LIN9: variants seen among roughly 807,000 people sequenced by gnomAD.
LIN9 encodes the protein protein lin-9 homolog.
LIN9 carries 18 observed loss-of-function variants against 78.0 expected under a neutral mutation model. The ratio of observed to expected loss-of-function variants is 0.23; its 90% CI spans 0.16 to 0.34. LIN9 has a LOEUF of 0.34. LIN9 is among the 10% of genes least tolerant of loss of function. The pLI is 1.00. For synonymous variants in LIN9, 192 were observed against 215.2 expected, an observed-to-expected ratio of 0.89 and a Z score of 0.94; for missense variants, 451 against 644.1, an observed-to-expected ratio of 0.70 and a Z score of 3.25.
chr1:226,247,833 C>G (rs1234914294), intron 11 of LIN9, among the ~76,000 whole-genome samples: 2 of 151,996 alleles, frequency 1.3e-5, no homozygotes, highest in Non-Finnish European at 1.5e-5. Context: ...CTATCACACC[C>G]AGCTAATTTT....
Position 226,231,174 on chromosome 1 carries a change from TTTA to T in LIN9, c.*1324_*1326del, listed in dbSNP as rs751988076. 1 of 152,556 alleles carries T rather than the reference TTTA, an allele frequency of 6.6e-6. No individual in the cohort carries two copies. Among genetic ancestry groups the T allele is most frequent in the Non-Finnish European group, 1.5e-5 (1 of 68,018 alleles). The allele number at this position is 152,556 out of a possible 1,614,324, so 9.5% of individuals were successfully genotyped here. ...GAAAATAATAATTTTCATAGATCAA[TTTA>T]TTTAGAATTACAAATATTAAGAATA... is the stretch of plus-strand genomic sequence containing the variant. On this transcript the variant is annotated 3_prime_UTR_variant, in exon 15 of 15. Coordinates refer to ENST00000681046, the MANE Select transcript of LIN9 (RefSeq NM_001366245.2).
intron 1 of LIN9, among the ~76,000 whole-genome samples, chr1:226,303,356 A>G (rs1360528920): frequency 6.6e-6 from 1 of 152,162 alleles, no homozygotes; most frequent in Non-Finnish European, 1.5e-5. Context: ...GCTATCGAGT[A>G]ATGATAAGCA....
chr1:226,232,730 C>T (rs1451222468), intron 14 of LIN9, 124 bp from the exon 15 acceptor site: 5 of 571,352 alleles, frequency 8.8e-6, no homozygotes, highest in African/African-American at 1.9e-5. Context: ...GAATAAATCT[C>T]CTCTAATATA....
At chr1:226,292,073 A>G (rs1171940228) in intron 4 of LIN9, among the ~76,000 whole-genome samples, 1 of 152,188 alleles carries the variant, frequency 6.6e-6, no homozygotes, top group Non-Finnish European at 1.5e-5. Flanking sequence ...AATAGGGTAT[A>G]TAGGGTATTA....
At chr1:226,287,314 T>G (rs1344110647) in intron 5 of LIN9, among the ~76,000 whole-genome samples, 1 of 152,208 alleles carries the variant, frequency 6.6e-6, no homozygotes, top group East Asian at 1.9e-4. Flanking sequence ...TAGTAATGGT[T>G]TCTCTATGAT....
At chr1:226,246,586 T>C (rs1434582391) in intron 11 of LIN9, among the ~76,000 whole-genome samples, 3 of 148,916 alleles carry the variant, frequency 2.0e-5, no homozygotes, top group African/African-American at 7.4e-5. Flanking sequence ...ATCGAGACCA[T>C]CCTGGCCAAC....
At chr1:226,288,859 C>G (rs548266587) in intron 4 of LIN9, among the ~76,000 whole-genome samples, 10 of 152,284 alleles carry the variant, frequency 6.6e-5, no homozygotes, top group African/African-American at 2.4e-4. Flanking sequence ...AGTCCAATCC[C>G]AGTCAAAATG....
At chr1:226,285,304 T>C (rs1414784534) in intron 6 of LIN9, among the ~76,000 whole-genome samples, 1 of 152,156 alleles carries the variant, frequency 6.6e-6, no homozygotes, top group Non-Finnish European at 1.5e-5. Flanking sequence ...ATTATGAGTA[T>C]GAAACACACT....
intron 7 of LIN9, among the ~76,000 whole-genome samples, chr1:226,269,456 G>C (rs1660126629): frequency 6.6e-6 from 1 of 150,548 alleles, no homozygotes; most frequent in Non-Finnish European, 1.5e-5. Flanking sequence ...TACTGGAAAT[G>C]GATCAAATGT....
intron 7 of LIN9, among the ~76,000 whole-genome samples, chr1:226,274,689 T>A (rs1400926928): frequency 2.6e-5 from 4 of 151,942 alleles, no homozygotes; most frequent in Admixed American, 2.6e-4. Flanking sequence ...TTCCTACCTG[T>A]TTTCATACTT....
intron 10 of LIN9, among the ~76,000 whole-genome samples, chr1:226,257,465 T>G (rs183210488): frequency 2.2e-3 from 337 of 152,330 alleles, no homozygotes; most frequent in African/African-American, 7.7e-3. Flanking sequence ...TATATATGCT[T>G]ATGCATGCTT....
At chr1:226,283,415 C>T (rs1456466454) in intron 6 of LIN9, among the ~76,000 whole-genome samples, 1 of 150,640 alleles carries the variant, frequency 6.6e-6, no homozygotes, top group Non-Finnish European at 1.5e-5. Context: ...TGTGAGCCAC[C>T]ACACCCAGCC....
At chr1:226,254,356 T>TA (rs1431050786) in intron 10 of LIN9, among the ~76,000 whole-genome samples, 1 of 152,136 alleles carries the variant, frequency 6.6e-6, no homozygotes, top group African/African-American at 2.4e-5. Flanking sequence ...CAACTTCACT[T>TA]AAGAGCAAAA....
chr1:226,258,142 C>T (rs573356026), intron 10 of LIN9, among the ~76,000 whole-genome samples: 87 of 151,788 alleles, frequency 5.7e-4, no homozygotes, highest in African/African-American at 2.1e-3. Context: ...CACCGCACTC[C>T]AGCCTAGGCT....
rs190185569 is a variant in LIN9 at position 226,287,058 on chromosome 1, T to C, written c.399-600A>G. Among the ~76,000 whole-genome samples, 4 of 152,218 alleles carry C rather than the reference T, an allele frequency of 2.6e-5. 1 individual carries two copies. Among genetic ancestry groups the C allele is most frequent in the Admixed American group, 2.6e-4 (4 of 15,280 alleles). ...GATTCACAAGCTCCAGAGTAGGCAATTGGTATAGAAAACAGAGAAGGGAAG... is the reference window on the plus strand; with the variant it reads ...GATTCACAAGCTCCAGAGTAGGCAACTGGTATAGAAAACAGAGAAGGGAAG... On this transcript the variant is annotated intron_variant, in intron 5 of 14. Coordinates refer to ENST00000681046, the MANE Select transcript of LIN9 (RefSeq NM_001366245.2).
chr1:226,262,697 T>C (rs988231051), intron 10 of LIN9, among the ~76,000 whole-genome samples: 3 of 152,178 alleles, frequency 2.0e-5, no homozygotes, highest in Non-Finnish European at 4.4e-5. Context: ...GAATGCAAAA[T>C]GGTACAGCCA....
At chr1:226,275,200 C>A (rs1660562838) in intron 7 of LIN9, among the ~76,000 whole-genome samples, 1 of 152,178 alleles carries the variant, frequency 6.6e-6, no homozygotes, top group African/African-American at 2.4e-5. Flanking sequence ...CTTAAGGAGG[C>A]CCTGTGAACT....
At chr1:226,309,735 G>A, upstream of LIN9, 1 of 1,287,600 alleles carries the variant, frequency 7.8e-7, no homozygotes, top group Non-Finnish European at 1.0e-6. Context: ...GGTCCCAGCG[G>A]CCCCTCGCGA....
chr1:226,297,834 T>C (rs781345269), intron 2 of LIN9, 21 bp from the exon 3 acceptor site: 2 of 1,427,814 alleles, frequency 1.4e-6, no homozygotes, highest in South Asian at 2.9e-5. Flanking sequence ...TAGTTAATAC[T>C]AATGGAATTT....
Sources: gnomAD v4.1 joint callset for allele counts (sites outside exome capture counted in the v4.1 genomes callset) on GRCh38, gnomAD v4.1.1 for gene constraint, MANE v1.5 for transcripts, NCBI Gene and HGNC (gene_info 2026-07-23, HGNC 2026-07-21) for gene names.